Variants in FOXP1 observed in about 807,000 individuals in gnomAD.
FOXP1 encodes the protein forkhead box protein P1.
In FOXP1, 15 loss-of-function variants were observed where a neutral mutation model predicts 98.2. That is an observed-to-expected ratio of 0.15 (90% CI 0.10 to 0.24). FOXP1 has a LOEUF of 0.24. Among genes scored for constraint, FOXP1 ranks in the 10% least tolerant of loss-of-function variants. The probability of loss-of-function intolerance (pLI) is 1.00; values close to 1 mark genes in which losing one functional copy is unlikely to be tolerated. For synonymous variants in FOXP1, 371 were observed against 314.5 expected (o/e 1.18, Z -1.90); for missense variants, 633 against 848.5 (o/e 0.75, Z 3.15).
intron 12 of FOXP1, among the ~76,000 whole-genome samples, chr3:71,006,283 T>C (rs567878588): frequency 6.6e-6 from 1 of 152,212 alleles, no homozygotes; most frequent in Admixed American, 6.5e-5. Context: ...AAAAATCTAA[T>C]GATACTTCAC....
chr3:71,392,760 T>C (rs1202883962), intron 3 of FOXP1, among the ~76,000 whole-genome samples: 2 of 152,316 alleles, frequency 1.3e-5, no homozygotes, highest in African/African-American at 4.8e-5. Context: ...TTTTAACTAG[T>C]GTAATTTTTT....
intron 4 of FOXP1, among the ~76,000 whole-genome samples, chr3:71,307,726 G>C (rs755956071): frequency 1.3e-5 from 2 of 152,182 alleles, no homozygotes; most frequent in Non-Finnish European, 2.9e-5. Context: ...GCAGTTTTGA[G>C]GGTAGTTATG....
intron 4 of FOXP1, among the ~76,000 whole-genome samples, chr3:71,306,556 T>C (rs544064639): frequency 1.5e-5 from 2 of 137,456 alleles, no homozygotes; most frequent in East Asian, 2.2e-4. Flanking sequence ...TAAAAATATA[T>C]ACACACACAT....
chr3:71,495,819 A>C (rs2091367782), intron 2 of FOXP1, among the ~76,000 whole-genome samples: 1 of 152,150 alleles, frequency 6.6e-6, no homozygotes, highest in African/African-American at 2.4e-5. Context: ...TGCTCAAGTG[A>C]ATTTTGGCAC....
At chr3:71,094,214 C>G (rs545603276) in intron 7 of FOXP1, among the ~76,000 whole-genome samples, 1 of 152,132 alleles carries the variant, frequency 6.6e-6, no homozygotes, top group African/African-American at 2.4e-5. Context: ...TGGCTGTATT[C>G]CAATAAAGCT....
intron 4 of FOXP1, among the ~76,000 whole-genome samples, chr3:71,340,451 C>G (rs2076947572): frequency 6.6e-6 from 1 of 152,152 alleles, no homozygotes; most frequent in African/African-American, 2.4e-5. Context: ...GACAGATGCA[C>G]CTGGAGTTTG....
intron 3 of FOXP1, among the ~76,000 whole-genome samples, chr3:71,449,225 A>C (rs1191483410): frequency 6.6e-6 from 1 of 152,208 alleles, no homozygotes; most frequent in Non-Finnish European, 1.5e-5. Flanking sequence ...CAGGGCCCAA[A>C]TTATAGGAGG....
At chr3:71,406,941 A>T (rs1440460953) in intron 3 of FOXP1, among the ~76,000 whole-genome samples, 2 of 152,166 alleles carry the variant, frequency 1.3e-5, no homozygotes, top group Non-Finnish European at 2.9e-5. Context: ...CCAGGGGCTC[A>T]ACAGATGCTT....
At position 71,027,767 on chromosome 3, in the gene FOXP1, A is replaced by C. The variant is rs150246282; in HGVS notation, c.870-12114T>G. On this transcript the variant is annotated intron_variant, in intron 11 of 20. Transcript: ENST00000649528. ...TACATTTCTCACCCTCTTAGCCACC[A>C]ATTTTTATAACATAAGGAATATATA... Among the ~76,000 whole-genome samples, 50 of 152,320 alleles carry C rather than the reference A, an allele frequency of 3.3e-4. 1 individual carries two copies. The highest frequency in any genetic ancestry group is 3.4e-3 in the Middle Eastern group (1 of 294).
At chr3:71,364,804 T>G (rs997327825) in intron 3 of FOXP1, among the ~76,000 whole-genome samples, 5 of 152,234 alleles carry the variant, frequency 3.3e-5, no homozygotes, top group African/African-American at 1.2e-4. Context: ...AAGTCACATT[T>G]CAAACAAAAT....
chr3:71,356,561 A>ATC (rs1456065932), intron 4 of FOXP1, among the ~76,000 whole-genome samples: 2 of 152,196 alleles, frequency 1.3e-5, no homozygotes, highest in African/African-American at 4.8e-5. Flanking sequence ...ATGTACCAGG[A>ATC]TCCGTGCTAA....
intron 3 of FOXP1, among the ~76,000 whole-genome samples, chr3:71,401,336 G>A (rs1401195295): frequency 1.3e-5 from 2 of 152,162 alleles, no homozygotes; most frequent in Non-Finnish European, 2.9e-5. Context: ...CGGATCAAGA[G>A]GAATGATAAA....
At chr3:71,411,278 C>CGTTGTGT (rs1553875424) in intron 3 of FOXP1, among the ~76,000 whole-genome samples, 2 of 141,684 alleles carry the variant, frequency 1.4e-5, no homozygotes, top group Non-Finnish European at 3.1e-5. Context: ...GCTGAATGGG[C>CGTTGTGT]GTGTGTGTGT....
intron 2 of FOXP1, among the ~76,000 whole-genome samples, chr3:71,565,386 T>C (rs984079197): frequency 1.3e-5 from 2 of 152,204 alleles, no homozygotes; most frequent in Non-Finnish European, 2.9e-5. Context: ...ACCAATTCGT[T>C]GTGTAAAACT....
At chr3:71,457,601 T>C (rs1182324777) in intron 3 of FOXP1, among the ~76,000 whole-genome samples, 1 of 152,200 alleles carries the variant, frequency 6.6e-6, no homozygotes, top group African/African-American at 2.4e-5. Flanking sequence ...TACAGTGCTT[T>C]TGCAGATTCG....
chr3:71,420,849 T>C (rs779393745), intron 3 of FOXP1, among the ~76,000 whole-genome samples: 12 of 152,044 alleles, frequency 7.9e-5, no homozygotes, highest in Non-Finnish European at 1.3e-4. Context: ...TAGGACTACA[T>C]GTACCTGCCA....
chr3:71,037,163 C>T (rs2047706627), intron 11 of FOXP1, among the ~76,000 whole-genome samples: 1 of 152,178 alleles, frequency 6.6e-6, no homozygotes, highest in Admixed American at 6.5e-5. Context: ...ATGCAAAAGT[C>T]TAGCCAGTGC....
chr3:70,962,863 A>G (rs2033874186), intron 20 of FOXP1, among the ~76,000 whole-genome samples: 1 of 152,216 alleles, frequency 6.6e-6, no homozygotes, highest in Non-Finnish European at 1.5e-5. Context: ...GTATAATTTT[A>G]GACTTTGACC....
chr3:71,560,214 CATT>C (rs2046433085), intron 2 of FOXP1, among the ~76,000 whole-genome samples: 1 of 152,174 alleles, frequency 6.6e-6, no homozygotes, highest in Admixed American at 6.5e-5. Flanking sequence ...GTTTTCGCAT[CATT>C]ATTGTCACCA....
Sources: allele counts gnomAD v4.1 joint callset (sites outside exome capture counted in the v4.1 genomes callset), GRCh38; gene constraint gnomAD v4.1.1; transcripts MANE v1.5; gene names NCBI Gene and HGNC (gene_info 2026-07-23, HGNC 2026-07-21).